Variants in BDP1 observed in about 807,000 individuals in gnomAD.
The protein encoded by BDP1 is transcription factor TFIIIB component B'' homolog.
Under a neutral mutation model 266.6 loss-of-function variants are expected in BDP1, and 169 were observed. The observed-to-expected ratio is 0.63, with a 90% CI of 0.56 to 0.72. The LOEUF is 0.72. Ranked by LOEUF, BDP1 falls within the 30% of genes least tolerant of loss-of-function variation. The pLI, the probability that BDP1 is intolerant of heterozygous loss-of-function variation, is 0.00. For missense variants in BDP1, 3,015 were observed against 3,053.8 expected, an observed-to-expected ratio of 0.99 and a Z score of 0.30; for synonymous variants, 1,090 against 1,022.4, an observed-to-expected ratio of 1.07 and a Z score of -1.26.
chr5:71,558,686 C>G (rs753110775), intron 36 of BDP1, among the ~76,000 whole-genome samples: 12 of 151,990 alleles, frequency 7.9e-5, no homozygotes, highest in East Asian at 1.9e-4. Flanking sequence ...ATAAGCTGGG[C>G]GTGGTGGCGG....
At chr5:71,512,553 A>G (rs1764987190) in intron 18 of BDP1, 125 bp downstream of exon 18, 4 of 581,388 alleles carry the variant, frequency 6.9e-6, no homozygotes, top group Non-Finnish European at 1.1e-5. Flanking sequence ...TTTTGGGAAG[A>G]CTGGGAGAGA....
At chr5:71,465,751 C>T (rs1761864939) in intron 4 of BDP1, among the ~76,000 whole-genome samples, 1 of 152,074 alleles carries the variant, frequency 6.6e-6, no homozygotes, top group South Asian at 2.1e-4. Context: ...TGTGGAGGTG[C>T]GCGCCTGTAA....
At position 71,491,324 on chromosome 5, in the gene BDP1, T is replaced by A. The variant is rs969608114; in HGVS notation, c.1640+193T>A. 3.3e-5 allele frequency among the ~76,000 whole-genome samples: 5 copies of A among 152,346 alleles called. No individual in the cohort carries two copies. In the East Asian group the frequency reaches 9.6e-4, roughly 29 times the overall value. ...ATTGTTTTGTCTTGGTGAAATTCCCTTTATCATTATGTACTATCCTTCTGG... is the reference window on the plus strand; with the variant it reads ...ATTGTTTTGTCTTGGTGAAATTCCCATTATCATTATGTACTATCCTTCTGG... On this transcript the variant is annotated intron_variant, in intron 11 of 38. Coordinates refer to ENST00000358731, the MANE Select transcript of BDP1 (RefSeq NM_018429.3).
chr5:71,542,362 TTACAA>T, intron 30 of BDP1, 97 bp downstream of exon 30: 1 of 1,129,852 alleles, frequency 8.9e-7, no homozygotes, highest in Non-Finnish European at 1.3e-6. Flanking sequence ...TTGTTTTAAC[TTACAA>T]TAAAATAGTT....
intron 38 of BDP1, chr5:71,562,743 AT>A (rs1561795880): frequency 6.9e-7 from 1 of 1,441,464 alleles, no homozygotes; most frequent in Non-Finnish European, 9.2e-7. Flanking sequence ...CTAACCATAA[AT>A]GGACACTTAA....
chr5:71,513,469 A>C, intron 19 of BDP1, 62 bp downstream of exon 19: 2 of 987,282 alleles, frequency 2.0e-6, no homozygotes, highest in Non-Finnish European at 3.0e-6. Flanking sequence ...AGTTATTAGG[A>C]CTACTAAAAG....
chr5:71,470,681 G>A (rs1434325125), intron 7 of BDP1, among the ~76,000 whole-genome samples, 192 bp downstream of exon 7: 2 of 150,502 alleles, frequency 1.3e-5, no homozygotes, highest in Non-Finnish European at 3.0e-5. Flanking sequence ...CTCTGCCTCC[G>A]GGTTCAAGCA....
intron 22 of BDP1, among the ~76,000 whole-genome samples, chr5:71,518,669 G>A (rs1461345828): frequency 6.6e-6 from 1 of 152,032 alleles, no homozygotes; most frequent in African/African-American, 2.4e-5. Context: ...GCCCAGGCTG[G>A]TCCTGAACTC....
rs561139 is a variant in BDP1 at position 71,502,421 on chromosome 5, G to A, written c.2049-178G>A. Among the ~76,000 whole-genome samples, 45,624 of 151,884 alleles carry A rather than the reference G, an allele frequency of 0.3. 7,922 individuals are homozygous for A. The highest frequency in any genetic ancestry group is 0.5 in the East Asian group (2,592 of 5,148). ...ACTTCTGACCTCAAATGATTCGCCC[G>A]CCTCGGCCTCCCAAAGTGCTGGGAT... On this transcript the variant is annotated intron_variant, in intron 14 of 38. Transcript: ENST00000358731.
intron 4 of BDP1, 117 bp from the exon 5 acceptor site, chr5:71,465,979 A>G: frequency 1.9e-6 from 2 of 1,081,076 alleles, no homozygotes; most frequent in Middle Eastern, 2.2e-4. Flanking sequence ...CATTTGGATT[A>G]TAGGGAAAGT....
At chr5:71,480,143 A>C (rs1241839755) in intron 7 of BDP1, among the ~76,000 whole-genome samples, 1 of 143,312 alleles carries the variant, frequency 7.0e-6, no homozygotes. Flanking sequence ...ACGGAGTCTC[A>C]CTCTGTCGCC....
At position 71,512,307 on chromosome 5, in the gene BDP1, G is replaced by C. The variant is rs756660325; in HGVS notation, c.4126G>C (p.Glu1376Gln). 10 of 1,597,004 alleles carry C rather than the reference G, an allele frequency of 6.3e-6. No individual in the cohort carries two copies. Among genetic ancestry groups the C allele is most frequent in the Non-Finnish European group, 7.7e-6 (9 of 1,175,366 alleles). The change falls in exon 18 of 39, where the codon GAA becomes CAA. Residue 1376 changes from glutamate (E) to glutamine (Q), a missense_variant. Glu to Gln is a conservative substitution (Grantham distance 29). Transcript: ENST00000358731. Reference sequence around the variant, plus strand: ...AGAAGAAAAAAGAAATTCTGAAAAAGAAGTATCAAGTCACTTCAGTCATTT... The same window carrying C: ...AGAAGAAAAAAGAAATTCTGAAAAACAAGTATCAAGTCACTTCAGTCATTT... The part of the protein sequence containing the change: ...PVEEKRNSEK[E>Q]VSSHFSHFKI...
chr5:71,503,754 G>C (rs1224979871), intron 15 of BDP1, among the ~76,000 whole-genome samples: 1 of 151,794 alleles, frequency 6.6e-6, no homozygotes, highest in African/African-American at 2.4e-5. Flanking sequence ...ATTGCTTGAG[G>C]CCAGGTGTCT....
intron 7 of BDP1, among the ~76,000 whole-genome samples, chr5:71,478,991 T>C (rs1762766538): frequency 6.6e-6 from 1 of 152,180 alleles, no homozygotes; most frequent in South Asian, 2.1e-4. Context: ...ATATTTTATT[T>C]CTGATACTGT....
chr5:71,571,518 T>C (rs1207529107), downstream of BDP1, among the ~76,000 whole-genome samples: 1 of 152,194 alleles, frequency 6.6e-6, no homozygotes, highest in African/African-American at 2.4e-5. Context: ...TTTTCCTGAG[T>C]CTTCAGATGG....
At position 71,489,532 on chromosome 5, in the gene BDP1, G is replaced by A; in HGVS notation, c.1342G>A (p.Glu448Lys). The A allele has an allele frequency of 6.2e-7, 1 of 1,614,144 alleles. No individual in the cohort carries two copies. Among genetic ancestry groups the A allele is most frequent in the South Asian group, 1.1e-5 (1 of 91,084 alleles). ...VEEESLTLSREDAEQVALEVD... is the reference protein window; with the variant it reads ...VEEESLTLSRKDAEQVALEVD... The stretch of plus-strand genomic sequence containing the variant: ...AGAAGAGTCTCTGACCTTATCAAGG[G>A]AGGATGCAGAGCAGGTTGCATTAGA... Residue 448 changes from glutamate (E) to lysine (K), a missense_variant, in exon 10 of 39, where the codon GAG (glutamate) becomes AAG (lysine). Glu to Lys is a moderately conservative substitution (Grantham distance 56). Coordinates refer to ENST00000358731, the MANE Select transcript of BDP1 (RefSeq NM_018429.3).
chr5:71,474,982 A>G (rs1057390698), intron 7 of BDP1, among the ~76,000 whole-genome samples: 1 of 152,152 alleles, frequency 6.6e-6, no homozygotes. Flanking sequence ...TATTAAATGC[A>G]TAACACTAAT....
At chr5:71,516,379 A>C in intron 21 of BDP1, 108 bp downstream of exon 21, 1 of 772,574 alleles carries the variant, frequency 1.3e-6, no homozygotes, top group South Asian at 2.1e-5. Context: ...TATTCTACTC[A>C]ATGAATACAG....
chr5:71,508,195 C>T (rs1028982075), intron 16 of BDP1, among the ~76,000 whole-genome samples: 6 of 152,172 alleles, frequency 3.9e-5, no homozygotes, highest in Non-Finnish European at 8.8e-5. Flanking sequence ...AAACTCTTGA[C>T]CTTAAGTGAT....
Sources: allele counts gnomAD v4.1 joint callset (sites outside exome capture counted in the v4.1 genomes callset), GRCh38; gene constraint gnomAD v4.1.1; transcripts MANE v1.5; gene names NCBI Gene and HGNC (gene_info 2026-07-23, HGNC 2026-07-21).